Variants in TRPC7 observed in about 807,000 individuals in gnomAD.
TRPC7 encodes the protein short transient receptor potential channel 7.
Under a neutral mutation model 90.1 loss-of-function variants are expected in TRPC7, and 42 were observed. That is an observed-to-expected ratio of 0.47 (90% CI 0.36 to 0.60). The LOEUF (loss-of-function observed/expected upper bound fraction) is 0.60. Ranked by LOEUF, TRPC7 falls within the 20% of genes least tolerant of loss-of-function variation. The pLI, the probability that TRPC7 is intolerant of heterozygous loss-of-function variation, is 0.00. For missense variants in TRPC7, 955 were observed against 1,112.3 expected, an observed-to-expected ratio of 0.86 and a Z score of 2.01; for synonymous variants, 451 against 436.3, an observed-to-expected ratio of 1.03 and a Z score of -0.42.
At chr5:136,259,686 T>G (rs1162719967) in intron 5 of TRPC7, among the ~76,000 whole-genome samples, 2 of 152,240 alleles carry the variant, frequency 1.3e-5, no homozygotes, top group East Asian at 3.9e-4. Flanking sequence ...CTGCTTATAA[T>G]GCAAGCAACA....
Position 136,346,591 on chromosome 5 carries a change from GA to G in TRPC7, c.780+10016del, listed in dbSNP as rs1257924545. On this transcript the variant is annotated intron_variant, in intron 2 of 11. Transcript: ENST00000513104. ...AACACACACGGACACACACATTTATGAAGTTCCCATATCACTGGCTTGGTTT... is the reference window on the plus strand; with the variant it reads ...AACACACACGGACACACACATTTATGAGTTCCCATATCACTGGCTTGGTTT... 5.9e-5 allele frequency among the ~76,000 whole-genome samples: 9 copies of G among 152,200 alleles called. No homozygotes were observed. The South Asian group carries it at 1.9e-3, about 32-fold the overall frequency.
At chr5:136,338,759 G>T (rs548087431) in intron 2 of TRPC7, among the ~76,000 whole-genome samples, 1 of 152,054 alleles carries the variant, frequency 6.6e-6, no homozygotes, top group Non-Finnish European at 1.5e-5. Context: ...TTCTTGATTG[G>T]CATTAAATGG....
intron 2 of TRPC7, among the ~76,000 whole-genome samples, chr5:136,355,721 C>A (rs1303737664): frequency 6.6e-6 from 1 of 152,126 alleles, no homozygotes; most frequent in Non-Finnish European, 1.5e-5. Flanking sequence ...TGGCATGAAC[C>A]CAGGAGGCAG....
intron 2 of TRPC7, among the ~76,000 whole-genome samples, chr5:136,325,584 T>C (rs1759320958): frequency 6.6e-6 from 1 of 152,140 alleles, no homozygotes; most frequent in Non-Finnish European, 1.5e-5. Flanking sequence ...TTCAGAAGCA[T>C]ATATGAGGGA....
Position 136,213,470 on chromosome 5 carries a change from CTTTG to C in TRPC7, c.2550_2553del (p.Asn850LysfsTer4), listed in dbSNP as rs1263791198. The C allele has an allele frequency of 7.4e-6, 12 of 1,614,032 alleles. No individual in the cohort carries two copies. The highest frequency in any genetic ancestry group is 4.5e-5 in the East Asian group (2 of 44,878). On this transcript the variant is annotated frameshift_variant, in exon 12 of 12. Transcript: ENST00000513104. LOFTEE classifies it high-confidence loss of function. ...TTGCCCTTGTTCACCCTCAGGTGGTCTTTGTTTAAGTTCTTTCCAAACTTCTCGC... is the reference window on the plus strand; with the variant it reads ...TTGCCCTTGTTCACCCTCAGGTGGTCTTTAAGTTCTTTCCAAACTTCTCGC...
At chr5:136,327,058 T>A (rs1006119510) in intron 2 of TRPC7, among the ~76,000 whole-genome samples, 4 of 152,076 alleles carry the variant, frequency 2.6e-5, no homozygotes, top group African/African-American at 7.2e-5. Flanking sequence ...AAGTGTTGGC[T>A]CACATAGGCT....
intron 10 of TRPC7, 86 bp from the exon 11 acceptor site, chr5:136,216,361 T>A: frequency 9.5e-7 from 1 of 1,053,218 alleles, no homozygotes; most frequent in Non-Finnish European, 1.4e-6. Flanking sequence ...CCTCCCTCCC[T>A]TGAAGAGCCT....
At chr5:136,219,528 T>C (rs1340249059) in intron 10 of TRPC7, among the ~76,000 whole-genome samples, 2 of 152,122 alleles carry the variant, frequency 1.3e-5, no homozygotes, top group African/African-American at 4.8e-5. Flanking sequence ...CACTTTGGGA[T>C]GCTGAGGTGG....
intron 3 of TRPC7, among the ~76,000 whole-genome samples, chr5:136,279,792 C>T (rs1757485863): frequency 6.6e-6 from 1 of 152,192 alleles, no homozygotes; most frequent in South Asian, 2.1e-4. Context: ...CCACGTTGCT[C>T]TACATGCTGT....
chr5:136,251,673 G>A lies in TRPC7; in HGVS notation c.1555C>T (p.Pro519Ser). Reference sequence around the variant, plus strand: ...CCGTAGGTGAAGTATGCCACTTCCGGCGGAAGCGAGACATTGTGCAGCGTG... The same window carrying A: ...CCGTAGGTGAAGTATGCCACTTCCGACGGAAGCGAGACATTGTGCAGCGTG... Reference protein sequence around the residue: ...DDTLHNVSLPPEVAYFTYARD... With the variant: ...DDTLHNVSLPSEVAYFTYARD... The change falls in exon 6 of 12, where the codon CCG becomes TCG. Residue 519 changes from proline (P) to serine (S), a missense_variant. By Grantham distance (74) the Pro-to-Ser change is moderately conservative. Coordinates refer to ENST00000513104, the MANE Select transcript of TRPC7 (RefSeq NM_020389.3). 1 of 1,609,622 alleles carries A rather than the reference G, an allele frequency of 6.2e-7. No homozygotes were observed. The highest frequency in any genetic ancestry group is 8.5e-7 in the Non-Finnish European group (1 of 1,176,560).
At chr5:136,225,150 T>C (rs774998896) in intron 10 of TRPC7, 124 bp downstream of exon 10, 13 of 838,768 alleles carry the variant, frequency 1.5e-5, no homozygotes, top group Non-Finnish European at 2.4e-5. Flanking sequence ...TCAATAAATA[T>C]TTGTACAATA....
At chr5:136,231,597 C>T in intron 7 of TRPC7, 48 bp from the exon 8 acceptor site, 1 of 1,491,966 alleles carries the variant, frequency 6.7e-7, no homozygotes, top group Non-Finnish European at 9.1e-7. Flanking sequence ...TCAGCTTGAA[C>T]TTTTATTTAT....
chr5:136,218,149 A>T (rs868519769), intron 10 of TRPC7, among the ~76,000 whole-genome samples: 36 of 146,050 alleles, frequency 2.5e-4, no homozygotes, highest in African/African-American at 8.7e-4. Flanking sequence ...TATATTTGAG[A>T]TATATATAAA....
intron 3 of TRPC7, among the ~76,000 whole-genome samples, chr5:136,287,370 T>C (rs918902947): frequency 6.6e-5 from 10 of 151,820 alleles, no homozygotes; most frequent in African/African-American, 2.4e-4. Context: ...TCCTTGGTGT[T>C]GGAGAGATGT....
Position 136,247,612 on chromosome 5 carries a change from AG to A in TRPC7, c.1702del (p.Leu568CysfsTer5). On this transcript the variant is annotated frameshift_variant, in exon 7 of 12. Transcript: ENST00000513104. LOFTEE classifies it high-confidence loss of function. The surrounding 1 kb of genome is among the most constrained non-coding windows in gnomAD (Gnocchi z 4.2). Reference protein sequence around the residue: ...ILPANESFGPLQISLGRTVKD... With the variant: ...ILPANESFGPXQISLGRTVKD... The stretch of plus-strand genomic sequence containing the variant: ...CACAGTTCTCCCTAGCGAGATCTGC[AG>A]GGGCCCAAAACTCTCGTTGGCTGGC... 1 of 1,614,024 alleles carries A rather than the reference AG, an allele frequency of 6.2e-7. No homozygotes were observed. Among genetic ancestry groups the A allele is most frequent in the East Asian group, 2.2e-5 (1 of 44,884 alleles).
rs767421151 is a variant in TRPC7, at chr5:136,213,337, G to C, written c.*98C>G. 5.6e-6 allele frequency: 7 copies of C among 1,250,062 alleles called. No individual in the cohort carries two copies. Among genetic ancestry groups the C allele is most frequent in the Non-Finnish European group, 7.9e-6 (7 of 889,898 alleles). 77.4% of individuals were successfully genotyped at this position (1,250,062 alleles called of 1,614,324 possible). On this transcript the variant is annotated 3_prime_UTR_variant, in exon 12 of 12. Transcript: ENST00000513104. ...CAGGAGATCCCCTTCGTGTCCTAGAGGAGTGGGCTGGGGACCCCTCCCCAC... is the reference window on the plus strand; with the variant it reads ...CAGGAGATCCCCTTCGTGTCCTAGACGAGTGGGCTGGGGACCCCTCCCCAC...
At chr5:136,345,964 C>T (rs1405356835) in intron 2 of TRPC7, among the ~76,000 whole-genome samples, 1 of 152,128 alleles carries the variant, frequency 6.6e-6, no homozygotes, top group African/African-American at 2.4e-5. Context: ...GGAATCCTTT[C>T]CCCATTTCTT....
intron 3 of TRPC7, among the ~76,000 whole-genome samples, chr5:136,298,199 C>A (rs1280533586): frequency 1.3e-5 from 2 of 152,126 alleles, no homozygotes; most frequent in South Asian, 2.1e-4. Context: ...CAGGAGGTCC[C>A]TCTGAGAAGC....
chr5:136,350,642 G>T (rs1976363), intron 2 of TRPC7, among the ~76,000 whole-genome samples: 1,748 of 152,310 alleles, frequency 0.011, 13 homozygotes, highest in African/African-American at 0.028. Context: ...AAGTCACTTT[G>T]TCCCTTTTCT....
Sources: gnomAD v4.1 joint callset for allele counts (sites outside exome capture counted in the v4.1 genomes callset) on GRCh38, gnomAD v4.1.1 for gene constraint, Gnocchi (gnomAD v3.1) non-coding constraint, MANE v1.5 for transcripts, NCBI Gene and HGNC (gene_info 2026-07-23, HGNC 2026-07-21) for gene names.